TBC1D22A: variants seen among roughly 807,000 people sequenced by gnomAD.
TBC1D22A encodes the protein TBC1 domain family member 22A.
Under a neutral mutation model 60.2 loss-of-function variants are expected in TBC1D22A, and 38 were observed. The ratio of observed to expected loss-of-function variants is 0.63; its 90% CI spans 0.49 to 0.83. The LOEUF (loss-of-function observed/expected upper bound fraction) is 0.83, where lower values mean the gene tolerates loss of function less well. Ranked by LOEUF, TBC1D22A falls within the 40% of genes least tolerant of loss-of-function variation. The probability of loss-of-function intolerance (pLI) is 0.00; values close to 1 mark genes in which losing one functional copy is unlikely to be tolerated. For missense variants in TBC1D22A, 628 were observed against 701.0 expected (o/e 0.90, Z 1.18); for synonymous variants, 302 against 281.7 (o/e 1.07, Z -0.72).
intron 4 of TBC1D22A, among the ~76,000 whole-genome samples, chr22:46,863,876 C>G (rs1019340052): frequency 1.3e-5 from 2 of 152,174 alleles, no homozygotes; most frequent in Non-Finnish European, 2.9e-5. Context: ...CTGCCGGCCT[C>G]ATGGACATCT....
chr22:47,166,454 C>T (rs1399781670), intron 12 of TBC1D22A, among the ~76,000 whole-genome samples: 2 of 152,076 alleles, frequency 1.3e-5, no homozygotes, highest in South Asian at 2.1e-4. Flanking sequence ...AAATAGTTTA[C>T]ATTCTTTTGT....
At chr22:46,811,670 C>T (rs1383211647) in intron 4 of TBC1D22A, among the ~76,000 whole-genome samples, 1 of 152,202 alleles carries the variant, frequency 6.6e-6, no homozygotes, top group African/African-American at 2.4e-5. Context: ...GTGTCTGGCT[C>T]AGGGTCGCCC....
At chr22:47,036,556 G>A (rs150085647) in intron 10 of TBC1D22A, among the ~76,000 whole-genome samples, 213 of 152,332 alleles carry the variant, frequency 1.4e-3, no homozygotes, top group Admixed American at 3.4e-3. Flanking sequence ...GTCGAGGGGT[G>A]TCCTTCACCT....
intron 8 of TBC1D22A, among the ~76,000 whole-genome samples, chr22:46,925,342 A>G (rs1198146631): frequency 6.6e-6 from 1 of 152,224 alleles, no homozygotes; most frequent in Non-Finnish European, 1.5e-5. Flanking sequence ...AGACAAGCAG[A>G]GAGTTCCCTG....
intron 4 of TBC1D22A, among the ~76,000 whole-genome samples, chr22:46,821,780 C>G (rs4823881): frequency 6.6e-6 from 1 of 151,654 alleles, no homozygotes; most frequent in Admixed American, 6.6e-5. Flanking sequence ...ACATGTTGGC[C>G]CGTCTTGCTA....
chr22:47,037,093 C>A lies in TBC1D22A; in HGVS notation c.1224C>A (p.Asp408Glu). 5 of 1,613,878 alleles carry A rather than the reference C, an allele frequency of 3.1e-6. No individual in the cohort carries two copies. The highest frequency in any genetic ancestry group is 4.2e-6 in the Non-Finnish European group (5 of 1,179,834). ...CAGAGCAAGTGCACCGGCACCTGGA[C>A]CAACACGAAGTGAGATACCTGCAGT... ...RIDEQVHRHL[D>E]QHEVRYLQFA... is the part of the protein sequence containing the mutation. Residue 408 changes from aspartate (D) to glutamate (E), a missense_variant, in exon 11 of 13, where the codon GAC (aspartate) becomes GAA (glutamate). Asp to Glu is a conservative substitution (Grantham distance 45). Coordinates refer to ENST00000337137, the MANE Select transcript of TBC1D22A (RefSeq NM_014346.5).
intron 4 of TBC1D22A, among the ~76,000 whole-genome samples, chr22:46,867,521 A>G (rs2067112648): frequency 6.6e-6 from 1 of 152,228 alleles, no homozygotes; most frequent in African/African-American, 2.4e-5. Flanking sequence ...TCGATAAATG[A>G]GGTACCAGTT....
intron 8 of TBC1D22A, among the ~76,000 whole-genome samples, chr22:46,965,172 C>G (rs956811549): frequency 1.3e-5 from 2 of 152,262 alleles, no homozygotes; most frequent in African/African-American, 4.8e-5. Flanking sequence ...CTCATCTGAA[C>G]AGCAGAGGAA....
intron 8 of TBC1D22A, among the ~76,000 whole-genome samples, chr22:46,941,609 C>T (rs534473233): frequency 1.4e-3 from 188 of 137,576 alleles, no homozygotes; most frequent in Middle Eastern, 3.9e-3. Context: ...TATATATACG[C>T]GGAATATATA....
intron 12 of TBC1D22A, among the ~76,000 whole-genome samples, chr22:47,162,741 C>T (rs538094009): frequency 1.4e-4 from 19 of 132,666 alleles, no homozygotes; most frequent in African/African-American, 4.4e-4. Flanking sequence ...ACTGCGGACC[C>T]GGTGCAGGGA....
intron 10 of TBC1D22A, among the ~76,000 whole-genome samples, chr22:47,022,811 G>C (rs1338869813): frequency 6.6e-6 from 1 of 152,134 alleles, no homozygotes; most frequent in African/African-American, 2.4e-5. Context: ...TGGTAGTATA[G>C]AAACCTGAAC....
chr22:46,834,662 C>A (rs768139926), intron 4 of TBC1D22A, among the ~76,000 whole-genome samples: 1 of 152,158 alleles, frequency 6.6e-6, no homozygotes, highest in African/African-American at 2.4e-5. Context: ...CTGGGACTGT[C>A]AGTAGTCAGG....
chr22:46,822,466 C>G (rs1173575540), intron 4 of TBC1D22A, among the ~76,000 whole-genome samples: 2 of 151,968 alleles, frequency 1.3e-5, no homozygotes, highest in Non-Finnish European at 2.9e-5. Context: ...CGCTTTCTGC[C>G]TGTTTGTTTT....
At chr22:46,781,140 GTTT>G (rs377531996) in intron 1 of TBC1D22A, among the ~76,000 whole-genome samples, 1 of 128,980 alleles carries the variant, frequency 7.8e-6, no homozygotes, top group Non-Finnish European at 1.6e-5. Context: ...TCCCAATTTT[GTTT>G]TTTTTTTTTT....
chr22:46,801,093 A>G (rs999447164), intron 4 of TBC1D22A, among the ~76,000 whole-genome samples: 6 of 152,248 alleles, frequency 3.9e-5, no homozygotes, highest in Non-Finnish European at 7.3e-5. Flanking sequence ...GTAAAAATCA[A>G]GTATTTTGTT....
chr22:46,796,454 C>T (rs568242366), intron 3 of TBC1D22A, among the ~76,000 whole-genome samples: 8 of 152,290 alleles, frequency 5.3e-5, no homozygotes, highest in South Asian at 2.1e-4. Context: ...GCGTTTGCTT[C>T]GGCTCCATTT....
At chr22:47,148,375 A>G (rs1368061481) in intron 12 of TBC1D22A, among the ~76,000 whole-genome samples, 1 of 151,946 alleles carries the variant, frequency 6.6e-6, no homozygotes, top group Admixed American at 6.6e-5. Flanking sequence ...GAGAGACTAT[A>G]TGGCACGAGA....
At chr22:47,128,646 T>C (rs1338623812) in intron 12 of TBC1D22A, among the ~76,000 whole-genome samples, 1 of 152,030 alleles carries the variant, frequency 6.6e-6, no homozygotes, top group African/African-American at 2.4e-5. Flanking sequence ...TCCGTGTGTT[T>C]ATTAAATCAT....
chr22:46,781,293 A>G (rs2083926969), intron 1 of TBC1D22A, among the ~76,000 whole-genome samples: 1 of 152,068 alleles, frequency 6.6e-6, no homozygotes, highest in Non-Finnish European at 1.5e-5. Context: ...TTCCCACCTC[A>G]GCCTCCTGAG....
Sources: gnomAD v4.1 joint callset for allele counts (sites outside exome capture counted in the v4.1 genomes callset) on GRCh38, gnomAD v4.1.1 for gene constraint, MANE v1.5 for transcripts, NCBI Gene and HGNC (gene_info 2026-07-23, HGNC 2026-07-21) for gene names.